The following PRDM2 variants were observed in gnomAD, a reference collection of about 807,000 sequenced individuals.
PRDM2 encodes the protein PR domain zinc finger protein 2.
A neutral mutation model predicts 130.0 loss-of-function variants in PRDM2; 30 were observed. That is an observed-to-expected ratio of 0.23 (90% CI 0.17 to 0.31). The LOEUF is 0.31. Ranked by LOEUF, PRDM2 falls within the 10% of genes least tolerant of loss-of-function variation. The probability of loss-of-function intolerance (pLI) is 1.00; values close to 1 mark genes in which losing one functional copy is unlikely to be tolerated. For synonymous variants in PRDM2, 871 were observed against 782.4 expected (o/e 1.11, Z -1.89); for missense variants, 2,011 against 2,108.4 (o/e 0.95, Z 0.90).
intron 8 of PRDM2, among the ~76,000 whole-genome samples, chr1:13,814,855 C>G (rs954608231): frequency 1.3e-5 from 2 of 152,204 alleles, no homozygotes; most frequent in African/African-American, 4.8e-5. Context: ...TGCCTGGCCT[C>G]CCACCTCCTC....
At chr1:13,717,148 A>G (rs889783403) in intron 2 of PRDM2, among the ~76,000 whole-genome samples, 2 of 152,238 alleles carry the variant, frequency 1.3e-5, no homozygotes, top group African/African-American at 4.8e-5. Flanking sequence ...CACATGGGGC[A>G]CATGCTTTCT....
Position 13,773,415 on chromosome 1 carries a change from G to T in PRDM2, c.622+227G>T, listed in dbSNP as rs1024244453. The T allele has an allele frequency of 1.3e-5, 4 of 308,958 alleles. No individual in the cohort carries two copies. The Admixed American group carries it at 2.0e-4, about 16-fold the overall frequency. The allele number at this position is 308,958 out of a possible 1,614,324, so 19.1% of individuals were successfully genotyped here. On this transcript the variant is annotated intron_variant, in intron 7 of 9. Transcript: ENST00000311066. ...TTCTTAAAAATGAACTTGTTCCTTT[G>T]TTAAAATAAAATGAGACCAGGTGTG...
Position 13,749,477 on chromosome 1 carries a change from G to C in PRDM2, c.501G>C (p.Lys167Asn). 6.8e-7 allele frequency: 1 copy of C among 1,466,380 alleles called. No homozygotes were observed. The highest frequency in any genetic ancestry group is 9.1e-7 in the Non-Finnish European group (1 of 1,093,018). 90.8% of individuals were successfully genotyped at this position (1,466,380 alleles called of 1,614,324 possible). A position where few individuals can be genotyped will look rare whatever the true frequency, so the allele number is the denominator to read the frequency against. ...CCCGGAGCAAGCGGAGCTCCCCCAA[G>C]AGCCGGAAAGGTAGGAGCCCCCCGG... is the stretch of plus-strand genomic sequence containing the variant. The part of the protein sequence containing the change: ...ASARSKRSSP[K>N]SRKGKKKSQE... Residue 167 changes from lysine to asparagine, a missense_variant, in exon 6 of 10, where the codon AAG becomes AAC. By Grantham distance (94) the Lys-to-Asn change is moderately conservative. Coordinates refer to ENST00000311066, the MANE Select transcript of PRDM2 (RefSeq NM_001393986.1).
rs1199997970 is a variant in PRDM2, at chr1:13,806,116, C to T, written c.5037-10311C>T. On this transcript the variant is annotated intron_variant, in intron 8 of 9. Coordinates refer to ENST00000311066, the MANE Select transcript of PRDM2 (RefSeq NM_001393986.1). The surrounding 1 kb of genome is among the most constrained non-coding windows in gnomAD (Gnocchi z 4.1). The stretch of plus-strand genomic sequence containing the variant: ...CAATGCAGTGGTTGGTTTCCAGTCC[C>T]ATCTCCCTTGGCCCATCTGCGGCAG... Among the ~76,000 whole-genome samples, 2 of 152,140 alleles carry T rather than the reference C, an allele frequency of 1.3e-5. No individual in the cohort carries two copies. The highest frequency in any genetic ancestry group is 4.8e-5 in the African/African-American group (2 of 41,436).
chr1:13,791,275 TCC>T (rs1644834575), intron 8 of PRDM2, among the ~76,000 whole-genome samples: 4 of 152,168 alleles, frequency 2.6e-5, no homozygotes, highest in African/African-American at 9.7e-5. Flanking sequence ...CAGGAGTTGC[TCC>T]TGGACCCATT....
intron 2 of PRDM2, among the ~76,000 whole-genome samples, chr1:13,723,018 GGTTTTGCATGTTCCA>G: frequency 6.6e-6 from 1 of 152,248 alleles, no homozygotes; most frequent in Middle Eastern, 3.4e-3. Flanking sequence ...GCCCTGCCTT[GGTTTTGCATGTTCCA>G]GTGGTGGCTG....
rs1189544327 is a variant in PRDM2 at position 13,722,507 on chromosome 1, A to AT, written c.9+6904dup. 2.9e-4 allele frequency among the ~76,000 whole-genome samples: 44 copies of AT among 149,770 alleles called. No individual in the cohort carries two copies. The South Asian group carries it at 5.3e-3, about 18-fold the overall frequency. On this transcript the variant is annotated intron_variant, in intron 2 of 9. Transcript: ENST00000311066. ...TTTTTCTGTGATTTCTTCCAATAGA[A>AT]TTTTTTTTTTTAAATCCATGGGTAG...
chr1:13,713,758 C>T (rs1010394600), intron 1 of PRDM2, among the ~76,000 whole-genome samples: 1 of 152,182 alleles, frequency 6.6e-6, no homozygotes, highest in Non-Finnish European at 1.5e-5. Context: ...AATAAGGTGT[C>T]ACGCAGGGCC....
At position 13,778,698 on chromosome 1, in the gene PRDM2, T is replaced by G; in HGVS notation, c.903T>G (p.Asn301Lys). 6.2e-7 allele frequency: 1 copy of G among 1,614,044 alleles called. No homozygotes were observed. The highest frequency in any genetic ancestry group is 8.5e-7 in the Non-Finnish European group (1 of 1,180,022). ...DEGEEEASMP[N>K]ENSVKEPEIR... ...GGGAAGAAGAAGCCAGCATGCCAAA[T>G]GAAAATTCTGTGAAAGAGCCAGAAA... is the stretch of plus-strand genomic sequence containing the variant. The change falls in exon 8 of 10, where the codon AAT becomes AAG. Residue 301 changes from asparagine to lysine, a missense_variant. By Grantham distance (94) the Asn-to-Lys change is moderately conservative. Transcript: ENST00000311066.
At chr1:13,723,916 T>C (rs1455755963) in intron 2 of PRDM2, among the ~76,000 whole-genome samples, 1 of 152,242 alleles carries the variant, frequency 6.6e-6, no homozygotes, top group African/African-American at 2.4e-5. Context: ...CCTGCCTGTC[T>C]ACAGCCCTAA....
chr1:13,733,498 G>T (rs1643173281), intron 4 of PRDM2, among the ~76,000 whole-genome samples: 1 of 152,198 alleles, frequency 6.6e-6, no homozygotes, highest in South Asian at 2.1e-4. Flanking sequence ...TGTAGATGCA[G>T]AACTAGAATG....
chr1:13,730,914 C>T, intron 2 of PRDM2, 86 bp from the exon 3 acceptor site: 1 of 975,344 alleles, frequency 1.0e-6, no homozygotes. Flanking sequence ...TTTTTGCATA[C>T]TTGCTTATTG....
intron 6 of PRDM2, among the ~76,000 whole-genome samples, chr1:13,769,532 T>G (rs1184727566): frequency 6.6e-6 from 1 of 152,148 alleles, no homozygotes; most frequent in African/African-American, 2.4e-5. Flanking sequence ...GGACAGGTGA[T>G]TTCAATAGCC....
At chr1:13,787,177 C>T (rs534258225) in intron 8 of PRDM2, 3 of 983,430 alleles carry the variant, frequency 3.1e-6, no homozygotes, top group East Asian at 1.1e-4. Context: ...TCCAAATGGA[C>T]GTTATCCTCT....
chr1:13,788,591 T>G (rs955692276), intron 8 of PRDM2, among the ~76,000 whole-genome samples: 3 of 152,228 alleles, frequency 2.0e-5, no homozygotes, highest in Non-Finnish European at 4.4e-5. Flanking sequence ...GGTGAAGGGA[T>G]AGCCAGCTTC....
At chr1:13,742,220 T>C in intron 5 of PRDM2, 63 bp downstream of exon 5, 1 of 1,532,350 alleles carries the variant, frequency 6.5e-7, no homozygotes, top group Non-Finnish European at 9.0e-7. Flanking sequence ...TTTCTTTTTT[T>C]GAGACGGTCT....
intron 8 of PRDM2, among the ~76,000 whole-genome samples, chr1:13,812,086 G>A (rs911104068): frequency 1.3e-5 from 2 of 152,220 alleles, no homozygotes; most frequent in Admixed American, 1.3e-4. Flanking sequence ...GTGGTCCAGT[G>A]TCGTGGTCAT....
At chr1:13,703,767 CTG>C (rs1305733821) in intron 1 of PRDM2, among the ~76,000 whole-genome samples, 1 of 152,236 alleles carries the variant, frequency 6.6e-6, no homozygotes, top group African/African-American at 2.4e-5. Flanking sequence ...GCAGAAACAA[CTG>C]TCTTCTAGAA....
At position 13,779,064 on chromosome 1, in the gene PRDM2, A is replaced by C; in HGVS notation, c.1269A>C (p.Thr423=). Residue 423 remains threonine (T), a synonymous_variant, in exon 8 of 10, where the codon ACA becomes ACC. Transcript: ENST00000311066. The surrounding 1 kb of genome is among the most constrained non-coding windows in gnomAD (Gnocchi z 4.9). Reference sequence around the variant, plus strand: ...GGTTAAAGCGGAAACCCAGCCAAACACTACAGCCGTCAGAGGATCTGGCTG... The same window carrying C: ...GGTTAAAGCGGAAACCCAGCCAAACCCTACAGCCGTCAGAGGATCTGGCTG... ...EAGLKRKPSQ[T]LQPSEDLADG... 1 of 1,614,198 alleles carries C rather than the reference A, an allele frequency of 6.2e-7. No individual in the cohort carries two copies. Among genetic ancestry groups the C allele is most frequent in the Non-Finnish European group, 8.5e-7 (1 of 1,180,038 alleles).
Sources: allele counts gnomAD v4.1 joint callset (sites outside exome capture counted in the v4.1 genomes callset), GRCh38; gene constraint gnomAD v4.1.1; non-coding constraint Gnocchi (gnomAD v3.1); transcripts MANE v1.5; gene names NCBI Gene and HGNC (gene_info 2026-07-23, HGNC 2026-07-21).